IRAK1BP1: variants seen among roughly 807,000 people sequenced by gnomAD.
The protein encoded by IRAK1BP1 is interleukin-1 receptor-associated kinase 1-binding protein 1.
IRAK1BP1 carries 24 observed loss-of-function variants against 28.0 expected under a neutral mutation model. That is an observed-to-expected ratio of 0.86 (90% confidence interval 0.62 to 1.20). The LOEUF (loss-of-function observed/expected upper bound fraction) is 1.20, where lower values mean the gene tolerates loss of function less well. IRAK1BP1 is among the 50% of genes most tolerant of loss of function. IRAK1BP1 has a pLI of 0.00. For synonymous variants in IRAK1BP1, 131 were observed against 116.3 expected, an observed-to-expected ratio of 1.13 and a Z score of -0.81; for missense variants, 336 against 316.7, an observed-to-expected ratio of 1.06 and a Z score of -0.46.
At position 78,900,469 on chromosome 6, in the gene IRAK1BP1, T is replaced by C. The variant is rs1277843159; in HGVS notation, c.*2135T>C. 1 of 152,194 alleles carries C rather than the reference T, an allele frequency of 6.6e-6. No individual in the cohort carries two copies. Among genetic ancestry groups the C allele is most frequent in the Non-Finnish European group, 1.5e-5 (1 of 68,028 alleles). The allele number at this position is 152,194 out of a possible 1,614,324, so 9.4% of individuals were successfully genotyped here. ...CCCTGAAACAATTTTATTCATCTTATTGGAGTGTTGCTGTAGGGGAAGAGT... is the reference window on the plus strand; with the variant it reads ...CCCTGAAACAATTTTATTCATCTTACTGGAGTGTTGCTGTAGGGGAAGAGT... On this transcript the variant is annotated 3_prime_UTR_variant, in exon 4 of 4. Transcript: ENST00000369940.
At chr6:78,954,592 C>T in the IRAK1BP1 span, among the ~76,000 whole-genome samples, 1 of 151,978 alleles carries the variant, frequency 6.6e-6, no homozygotes, top group African/African-American at 2.4e-5. Flanking sequence ...CTAGTAGGAA[C>T]AGAATAACCC....
At chr6:78,893,312 G>GTATATATATA (rs1188973498) in intron 2 of IRAK1BP1, among the ~76,000 whole-genome samples, 28 of 64,196 alleles carry the variant, frequency 4.4e-4, no homozygotes, top group Admixed American at 2.6e-3. Context: ...GTGTGTGTGT[G>GTATATATATA]TGTATATATA....
At chr6:78,915,643 C>A (rs1209761151) in intron 4 of IRAK1BP1, among the ~76,000 whole-genome samples, 1 of 152,174 alleles carries the variant, frequency 6.6e-6, no homozygotes, top group Non-Finnish European at 1.5e-5. Flanking sequence ...CTTGCCAAAC[C>A]TTCCTTAGAC....
At position 78,917,632 on chromosome 6, in the gene IRAK1BP1, TAAAAAAA is replaced by T. The variant is rs35313944; in HGVS notation, c.*67+14540_*67+14546del. Among the ~76,000 whole-genome samples, 105 of 63,688 alleles carry T rather than the reference TAAAAAAA, an allele frequency of 1.6e-3. 1 individual carries two copies. Among genetic ancestry groups the T allele is most frequent in the Non-Finnish European group, 2.7e-3 (92 of 34,474 alleles). The allele number at this position is 63,688 out of a possible 152,430, so 41.8% of individuals were successfully genotyped here. On this transcript the variant is annotated intron_variant and NMD_transcript_variant, in intron 4 of 4. Transcript: ENST00000606868. ...GTCACCAGACTGTCAAAGTCAACAC[TAAAAAAA>T]AAAAAAAAAAAAAAAAATCTTAAAG...
At chr6:78,937,917 CCATG>C (rs1237083410) in intron 4 of IRAK1BP1, 1 of 151,628 alleles carries the variant, frequency 6.6e-6, no homozygotes. Flanking sequence ...TTTACACTTT[CCATG>C]CATGTAAGAG....
the IRAK1BP1 span, among the ~76,000 whole-genome samples, chr6:78,979,036 C>G: frequency 6.6e-6 from 1 of 152,100 alleles, no homozygotes; most frequent in East Asian, 1.9e-4. Context: ...CTAGAAATGA[C>G]TTAAAGTATA....
rs1371644817 is a variant in IRAK1BP1 at position 78,884,077 on chromosome 6, A to G, written c.316-1301A>G. ...TAACCTGTATTCTAAATTTTCCACA[A>G]TGAGTAGGTATTACTTTCATAATAA... On this transcript the variant is annotated intron_variant, in intron 1 of 3. Transcript: ENST00000369940. Among the ~76,000 whole-genome samples the G allele has an allele frequency of 3.9e-5, 6 of 152,148 alleles. No individual in the cohort carries two copies. The South Asian group carries it at 8.3e-4, about 21-fold the overall frequency.
rs1770623635 is a variant in IRAK1BP1 at position 78,867,645 on chromosome 6, G to A, written c.69G>A (p.Arg23=). The A allele has an allele frequency of 6.2e-7, 1 of 1,614,102 alleles. No homozygotes were observed. Among genetic ancestry groups the A allele is most frequent in the Non-Finnish European group, 8.5e-7 (1 of 1,180,050 alleles). Residue 23 remains arginine, a synonymous_variant, in exon 1 of 4, where the codon CGG becomes CGA. Transcript: ENST00000369940. ...VELVPWADRS[R]ENNLASGRET... The stretch of plus-strand genomic sequence containing the variant: ...TGGTTCCCTGGGCTGACCGGAGCCG[G>A]GAGAACAACCTGGCCTCAGGGAGAG...
intron 4 of IRAK1BP1, chr6:78,937,220 G>GA (rs1356375855): frequency 6.6e-6 from 1 of 151,634 alleles, no homozygotes; most frequent in Non-Finnish European, 1.5e-5. Flanking sequence ...ATAGAAAACT[G>GA]AAAAAGTTGC....
chr6:78,908,827 C>G (rs1386450121), intron 4 of IRAK1BP1, among the ~76,000 whole-genome samples: 2 of 152,188 alleles, frequency 1.3e-5, no homozygotes, highest in East Asian at 1.9e-4. Context: ...GGTGAGTCAT[C>G]ATCTGCCTTT....
At chr6:78,882,125 A>G (rs1771251625) in intron 1 of IRAK1BP1, among the ~76,000 whole-genome samples, 1 of 152,276 alleles carries the variant, frequency 6.6e-6, no homozygotes, top group African/African-American at 2.4e-5. Flanking sequence ...TTGGTTCTAC[A>G]TAAATCTCAA....
chr6:78,954,365 CAAAGTGCTGGG>C, the IRAK1BP1 span, among the ~76,000 whole-genome samples: 1 of 152,228 alleles, frequency 6.6e-6, no homozygotes, highest in South Asian at 2.1e-4. Flanking sequence ...CTCGGCCTCC[CAAAGTGCTGGG>C]ATTACTGGCA....
intron 4 of IRAK1BP1, chr6:78,941,144 T>C (rs1773481146): frequency 6.2e-7 from 1 of 1,614,052 alleles, no homozygotes; most frequent in Non-Finnish European, 8.5e-7. Flanking sequence ...CTCTAAATCT[T>C]CTGGCTTTGC....
At chr6:78,931,981 G>A (rs910931927) in intron 4 of IRAK1BP1, among the ~76,000 whole-genome samples, 1 of 152,156 alleles carries the variant, frequency 6.6e-6, no homozygotes, top group Non-Finnish European at 1.5e-5. Context: ...TATTAACTAA[G>A]TTTATGTAGT....
At chr6:78,917,058 A>G (rs185594147) in intron 4 of IRAK1BP1, among the ~76,000 whole-genome samples, 1 of 152,290 alleles carries the variant, frequency 6.6e-6, no homozygotes, top group Admixed American at 6.5e-5. Flanking sequence ...CCAGCTCTCC[A>G]GCAATGGTTC....
At chr6:78,872,451 AC>A (rs1187002098) in intron 1 of IRAK1BP1, among the ~76,000 whole-genome samples, 2 of 152,220 alleles carry the variant, frequency 1.3e-5, no homozygotes, top group African/African-American at 4.8e-5. Context: ...ATATATTTAT[AC>A]ATGTCCTTAA....
chr6:78,957,459 A>G, the IRAK1BP1 span: 1 of 151,904 alleles, frequency 6.6e-6, no homozygotes, highest in African/African-American at 2.4e-5. Context: ...ACTTTACCTT[A>G]TTAATTATGT....
chr6:78,943,307 T>C (rs1462384744), intron 4 of IRAK1BP1, among the ~76,000 whole-genome samples: 1 of 152,134 alleles, frequency 6.6e-6, no homozygotes, highest in Non-Finnish European at 1.5e-5. Context: ...TTCTATACAG[T>C]ACCAGTACTC....
At chr6:78,914,265 C>T (rs1390942083) in intron 4 of IRAK1BP1, among the ~76,000 whole-genome samples, 1 of 151,928 alleles carries the variant, frequency 6.6e-6, no homozygotes, top group Non-Finnish European at 1.5e-5. Context: ...AAAGGTTAAC[C>T]CAAAGATTAA....
Sources: gnomAD v4.1 joint callset for allele counts (sites outside exome capture counted in the v4.1 genomes callset) on GRCh38, gnomAD v4.1.1 for gene constraint, MANE v1.5 for transcripts, NCBI Gene and HGNC (gene_info 2026-07-23, HGNC 2026-07-21) for gene names.